Variants in GPR158 observed in about 807,000 individuals in gnomAD.
GPR158 encodes metabotropic glycine receptor.
Under a neutral mutation model 78.2 loss-of-function variants are expected in GPR158, and 30 were observed. That is an observed-to-expected ratio of 0.38 (90% CI 0.29 to 0.52). GPR158 has a LOEUF of 0.52. Among genes scored for constraint, GPR158 ranks in the 20% least tolerant of loss-of-function variants. The pLI is 0.83. For synonymous variants in GPR158, 581 were observed against 591.1 expected (o/e 0.98, Z 0.25); for missense variants, 1,463 against 1,523.5 (o/e 0.96, Z 0.66).
At chr10:25,348,562 G>C (rs74123864) in intron 2 of GPR158, among the ~76,000 whole-genome samples, 1 of 151,830 alleles carries the variant, frequency 6.6e-6, no homozygotes, top group East Asian at 1.9e-4. Context: ...AGGATGGGGA[G>C]GGGTAATACT....
At chr10:25,258,604 T>C (rs1209218032) in intron 2 of GPR158, among the ~76,000 whole-genome samples, 2 of 152,168 alleles carry the variant, frequency 1.3e-5, no homozygotes, top group Non-Finnish European at 2.9e-5. Flanking sequence ...AATTGATTTT[T>C]GTTATGGTAG....
chr10:25,175,901 G>T lies in GPR158; in HGVS notation c.481G>T (p.Val161Leu), dbSNP rs1852523767. Residue 161 changes from valine to leucine, a missense_variant, in exon 1 of 11, where the codon GTG (valine) becomes TTG (leucine). Coordinates refer to ENST00000376351, the MANE Select transcript of GPR158 (RefSeq NM_020752.3). The surrounding 1 kb of genome is among the most constrained non-coding windows in gnomAD (Gnocchi z 6.4). Reference sequence around the variant, plus strand: ...CGACCTGGATTGGTACCAGGCGCTGGTGTGGAGCCTTCTGGAGGGCGAGCC... The same window carrying T: ...CGACCTGGATTGGTACCAGGCGCTGTTGTGGAGCCTTCTGGAGGGCGAGCC... ...QDDLDWYQAL[V>L]WSLLEGEPSI... 6.2e-7 allele frequency: 1 copy of T among 1,613,868 alleles called. No individual in the cohort carries two copies. Among genetic ancestry groups the T allele is most frequent in the Non-Finnish European group, 8.5e-7 (1 of 1,180,004 alleles).
At chr10:25,467,628 C>G (rs1378100182) in intron 5 of GPR158, among the ~76,000 whole-genome samples, 4 of 152,076 alleles carry the variant, frequency 2.6e-5, no homozygotes, top group African/African-American at 9.7e-5. Context: ...GCATGACTCC[C>G]CAGACCCCTT....
intron 2 of GPR158, among the ~76,000 whole-genome samples, chr10:25,379,294 G>A (rs1333489353): frequency 6.6e-6 from 1 of 152,154 alleles, no homozygotes; most frequent in Non-Finnish European, 1.5e-5. Flanking sequence ...TGTTGTTACA[G>A]TGGTTCTGGA....
intron 2 of GPR158, among the ~76,000 whole-genome samples, chr10:25,305,127 C>G (rs542793841): frequency 7.5e-4 from 114 of 152,308 alleles, no homozygotes; most frequent in African/African-American, 2.6e-3. Context: ...GACCCTATCT[C>G]CCTGTAGAAC....
At chr10:25,450,034 A>G (rs923379721) in intron 4 of GPR158, among the ~76,000 whole-genome samples, 6 of 151,606 alleles carry the variant, frequency 4.0e-5, no homozygotes, top group Admixed American at 6.6e-5. Flanking sequence ...TGACACTGCC[A>G]TGTCCACCAC....
At chr10:25,359,033 A>C (rs900009077) in intron 2 of GPR158, among the ~76,000 whole-genome samples, 1 of 151,688 alleles carries the variant, frequency 6.6e-6, no homozygotes, top group Non-Finnish European at 1.5e-5. Context: ...CTGTCTACTT[A>C]TTCTATCCAT....
chr10:25,550,907 T>G, intron 5 of GPR158, 69 bp from the exon 6 acceptor site: 97 of 792,534 alleles, frequency 1.2e-4, no homozygotes, highest in East Asian at 1.9e-4. Context: ...CATCAGGTTA[T>G]GAGATATTGA....
chr10:25,574,983 C>T (rs900982212), intron 7 of GPR158, among the ~76,000 whole-genome samples: 3 of 150,900 alleles, frequency 2.0e-5, no homozygotes, highest in African/African-American at 7.3e-5. Context: ...GTGAGAATTG[C>T]TTGAACCTGG....
At chr10:25,410,357 C>G (rs960925921) in intron 3 of GPR158, among the ~76,000 whole-genome samples, 1 of 152,168 alleles carries the variant, frequency 6.6e-6, no homozygotes, top group Non-Finnish European at 1.5e-5. Flanking sequence ...GTGGCTCACA[C>G]CTGTAATCCC....
chr10:25,458,594 C>T (rs1835320360), intron 4 of GPR158, among the ~76,000 whole-genome samples: 1 of 152,166 alleles, frequency 6.6e-6, no homozygotes, highest in African/African-American at 2.4e-5. Context: ...TTGACTGAGC[C>T]CCTGCTCTGT....
At chr10:25,369,620 T>C (rs1482102840) in intron 2 of GPR158, among the ~76,000 whole-genome samples, 1 of 151,866 alleles carries the variant, frequency 6.6e-6, no homozygotes, top group Non-Finnish European at 1.5e-5. Flanking sequence ...GATATTGGTC[T>C]AAAATTCTCT....
Position 25,176,400 on chromosome 10 carries a change from G to A in GPR158, c.902+78G>A, listed in dbSNP as rs74734833. The A allele has an allele frequency of 7.1e-3, 7,834 of 1,105,392 alleles. 378 individuals carry two copies. The African/African-American group carries it at 0.1, about 15-fold the overall frequency. The allele number at this position is 1,105,392 out of a possible 1,614,324, so 68.5% of individuals were successfully genotyped here. ...GTCTTGTGGGTGGGTGCACGTGTGAGGAAGGAACCCTTGGCTGTGACGCGA... is the reference window on the plus strand; with the variant it reads ...GTCTTGTGGGTGGGTGCACGTGTGAAGAAGGAACCCTTGGCTGTGACGCGA... On this transcript the variant is annotated intron_variant, in intron 1 of 10. Coordinates refer to ENST00000376351, the MANE Select transcript of GPR158 (RefSeq NM_020752.3). The surrounding 1 kb of genome is among the most constrained non-coding windows in gnomAD (Gnocchi z 6.3).
intron 5 of GPR158, among the ~76,000 whole-genome samples, chr10:25,514,523 G>T (rs1042932774): frequency 1.1e-4 from 16 of 152,082 alleles, no homozygotes; most frequent in Non-Finnish European, 2.4e-4. Flanking sequence ...TTAGTATTGA[G>T]ATATTGAGAT....
intron 2 of GPR158, among the ~76,000 whole-genome samples, chr10:25,232,146 C>T (rs1271928745): frequency 2.0e-5 from 3 of 152,060 alleles, no homozygotes; most frequent in Non-Finnish European, 4.4e-5. Context: ...AAAAACCTAC[C>T]TATTAAACCT....
At chr10:25,484,086 A>G (rs1835700213) in intron 5 of GPR158, among the ~76,000 whole-genome samples, 2 of 152,168 alleles carry the variant, frequency 1.3e-5, no homozygotes. Context: ...AACCTATAAC[A>G]TTCTATGTAA....
chr10:25,402,239 A>G (rs999233060), intron 3 of GPR158, among the ~76,000 whole-genome samples: 1 of 152,094 alleles, frequency 6.6e-6, no homozygotes, highest in Non-Finnish European at 1.5e-5. Context: ...ACATTCTACA[A>G]AATAACAGGT....
intron 5 of GPR158, among the ~76,000 whole-genome samples, chr10:25,549,790 A>T (rs775980597): frequency 2.0e-5 from 3 of 152,114 alleles, no homozygotes; most frequent in Non-Finnish European, 2.9e-5. Context: ...TGGCACTGCT[A>T]GAGAGAGGGG....
chr10:25,489,785 A>C (rs78625734), intron 5 of GPR158, among the ~76,000 whole-genome samples: 10,616 of 152,192 alleles, frequency 0.07, 449 homozygotes, highest in South Asian at 0.15. Flanking sequence ...AATGAGTGCT[A>C]CTGAGACAAG....
Sources: allele counts gnomAD v4.1 joint callset (sites outside exome capture counted in the v4.1 genomes callset), GRCh38; gene constraint gnomAD v4.1.1; non-coding constraint Gnocchi (gnomAD v3.1); transcripts MANE v1.5; gene names NCBI Gene and HGNC (gene_info 2026-07-23, HGNC 2026-07-21).